Variants in RSU1 observed in about 807,000 individuals in gnomAD.
RSU1 encodes Ras suppressor protein 1.
RSU1 carries 26 observed loss-of-function variants against 31.1 expected under a neutral mutation model. The observed-to-expected ratio is 0.84, with a 90% CI of 0.61 to 1.16. RSU1 has a LOEUF of 1.16. Ranked by LOEUF, RSU1 falls within the 50% of genes most tolerant of loss-of-function variation. The pLI, the probability that RSU1 is intolerant of heterozygous loss-of-function variation, is 0.00. For missense variants in RSU1, 320 were observed against 339.1 expected, an observed-to-expected ratio of 0.94 and a Z score of 0.44; for synonymous variants, 164 against 136.3, an observed-to-expected ratio of 1.20 and a Z score of -1.41.
chr10:16,648,425 G>A (rs1225608859), intron 8 of RSU1, among the ~76,000 whole-genome samples: 3 of 152,212 alleles, frequency 2.0e-5, no homozygotes, highest in Non-Finnish European at 2.9e-5. Context: ...ACTCTGGGCA[G>A]AGAGCTTATT....
intron 8 of RSU1, among the ~76,000 whole-genome samples, chr10:16,652,213 C>G (rs1834696626): frequency 6.6e-6 from 1 of 151,762 alleles, no homozygotes; most frequent in African/African-American, 2.4e-5. Flanking sequence ...AAGAGAGATG[C>G]TAGGAAGATA....
At chr10:16,787,658 G>A (rs897952456) in intron 2 of RSU1, among the ~76,000 whole-genome samples, 6 of 152,098 alleles carry the variant, frequency 3.9e-5, no homozygotes, top group African/African-American at 9.7e-5. Context: ...AGGATGTGAT[G>A]GTTATATAAA....
rs190270805 is a variant in RSU1 at position 16,810,471 on chromosome 10, G to A, written c.109+6502C>T. On this transcript the variant is annotated intron_variant, in intron 2 of 8. Coordinates refer to ENST00000345264, the MANE Select transcript of RSU1 (RefSeq NM_012425.4). ...TCCTGCTGCTGTTCCCCCAGCAGCCGCCCCCCGGGCTATGCACAGCTCTGA... is the reference window on the plus strand; with the variant it reads ...TCCTGCTGCTGTTCCCCCAGCAGCCACCCCCCGGGCTATGCACAGCTCTGA... Among the ~76,000 whole-genome samples the A allele has an allele frequency of 1.2e-4, 18 of 152,048 alleles. No individual in the cohort carries two copies. The East Asian group carries it at 1.6e-3, about 13-fold the overall frequency.
At chr10:16,671,680 CAGTG>C (rs1368509209) in intron 8 of RSU1, among the ~76,000 whole-genome samples, 1 of 151,920 alleles carries the variant, frequency 6.6e-6, no homozygotes, top group Non-Finnish European at 1.5e-5. Flanking sequence ...GGCTGGAGGG[CAGTG>C]GCGCGATTTT....
chr10:16,661,010 C>A lies in RSU1; in HGVS notation c.731+34013G>T, dbSNP rs181509892. On this transcript the variant is annotated intron_variant, in intron 8 of 8. Coordinates refer to ENST00000345264, the MANE Select transcript of RSU1 (RefSeq NM_012425.4). ...AACCTATCTACTGAAATTTTAATTG[C>A]AATGATTATATTTTTCATTTCTTGT... 4.4e-3 allele frequency among the ~76,000 whole-genome samples: 669 copies of A among 152,170 alleles called. 5 individuals are homozygous for A. The highest frequency in any genetic ancestry group is 0.015 in the African/African-American group (634 of 41,532).
intron 8 of RSU1, among the ~76,000 whole-genome samples, chr10:16,689,102 T>C (rs751712964): frequency 1.3e-4 from 20 of 152,188 alleles, no homozygotes; most frequent in Admixed American, 6.5e-5. Flanking sequence ...TTTGAGCTAT[T>C]TTCAGATACA....
chr10:16,672,803 G>A (rs566278360), intron 8 of RSU1, among the ~76,000 whole-genome samples: 5 of 152,286 alleles, frequency 3.3e-5, no homozygotes, highest in Admixed American at 2.6e-4. Flanking sequence ...TTTGTTCACT[G>A]TCTTAAGTTG....
chr10:16,636,464 T>G (rs1834346393), intron 8 of RSU1, among the ~76,000 whole-genome samples: 1 of 152,246 alleles, frequency 6.6e-6, no homozygotes, highest in African/African-American at 2.4e-5. Flanking sequence ...ATCCTGTCTG[T>G]GGTTGGCACT....
intron 2 of RSU1, among the ~76,000 whole-genome samples, chr10:16,803,591 G>C (rs1453759979): frequency 6.6e-6 from 1 of 152,182 alleles, no homozygotes; most frequent in African/African-American, 2.4e-5. Context: ...CTTAATGTCA[G>C]TTATAGTAAC....
At chr10:16,605,287 C>T (rs1214565312) in intron 8 of RSU1, among the ~76,000 whole-genome samples, 2 of 152,158 alleles carry the variant, frequency 1.3e-5, no homozygotes, top group Non-Finnish European at 2.9e-5. Context: ...CCACTCGTCA[C>T]CATCTAGTTA....
chr10:16,608,546 C>T (rs934479002), intron 8 of RSU1, among the ~76,000 whole-genome samples: 4 of 152,000 alleles, frequency 2.6e-5, no homozygotes, highest in East Asian at 1.9e-4. Context: ...CCATGTAAGC[C>T]GTGTTCTCTT....
At chr10:16,742,838 C>T (rs112891568) in intron 7 of RSU1, among the ~76,000 whole-genome samples, 3 of 152,264 alleles carry the variant, frequency 2.0e-5, no homozygotes, top group African/African-American at 7.2e-5. Flanking sequence ...TTGCAACTTC[C>T]CAACCCCTTT....
intron 8 of RSU1, among the ~76,000 whole-genome samples, chr10:16,693,775 T>A (rs912709100): frequency 6.6e-6 from 1 of 152,084 alleles, no homozygotes; most frequent in African/African-American, 2.4e-5. Flanking sequence ...AATGGAAGGA[T>A]TGCCTCAGCC....
chr10:16,708,815 CT>C (rs74458749), intron 7 of RSU1, among the ~76,000 whole-genome samples: 5,980 of 144,434 alleles, frequency 0.041, 356 homozygotes, highest in African/African-American at 0.13. Flanking sequence ...TTTCTATTAT[CT>C]TTTTTTTTTT....
At chr10:16,611,220 C>T (rs1033404683) in intron 8 of RSU1, among the ~76,000 whole-genome samples, 3 of 152,226 alleles carry the variant, frequency 2.0e-5, no homozygotes, top group African/African-American at 2.4e-5. Context: ...TGATCCTTCT[C>T]GAGTGGCCAC....
intron 7 of RSU1, among the ~76,000 whole-genome samples, chr10:16,738,207 G>C (rs1045596044): frequency 6.6e-6 from 1 of 152,164 alleles, no homozygotes; most frequent in African/African-American, 2.4e-5. Context: ...AGCACTTTGG[G>C]AGGCCAAAAC....
At chr10:16,639,029 C>T (rs910262470) in intron 8 of RSU1, among the ~76,000 whole-genome samples, 4 of 152,156 alleles carry the variant, frequency 2.6e-5, no homozygotes, top group Admixed American at 2.0e-4. Flanking sequence ...AAAACAATCT[C>T]GGACAGTTAT....
intron 8 of RSU1, among the ~76,000 whole-genome samples, chr10:16,627,707 A>G (rs948584699): frequency 3.3e-5 from 5 of 150,902 alleles, no homozygotes; most frequent in African/African-American, 1.2e-4. Flanking sequence ...CAGTGAGCCA[A>G]GATTGCGCCA....
chr10:16,628,138 G>A (rs1305517476), intron 8 of RSU1, among the ~76,000 whole-genome samples: 1 of 152,138 alleles, frequency 6.6e-6, no homozygotes, highest in Non-Finnish European at 1.5e-5. Flanking sequence ...CATATTTATT[G>A]ACAACAATCT....
Sources: allele counts gnomAD v4.1 joint callset (sites outside exome capture counted in the v4.1 genomes callset), GRCh38; gene constraint gnomAD v4.1.1; transcripts MANE v1.5; gene names NCBI Gene and HGNC (gene_info 2026-07-23, HGNC 2026-07-21).